RANBP17: variants seen among roughly 807,000 people sequenced by gnomAD.
RANBP17 encodes RAN binding protein 17.
RANBP17 carries 158 observed loss-of-function variants against 141.2 expected under a neutral mutation model. The ratio of observed to expected loss-of-function variants is 1.12; its 90% CI spans 0.98 to 1.28. RANBP17 has a LOEUF of 1.28. Among genes scored for constraint, RANBP17 ranks in the 50% most tolerant of loss-of-function variants. The probability of loss-of-function intolerance (pLI) is 0.00; values close to 1 mark genes in which losing one functional copy is unlikely to be tolerated. For synonymous variants in RANBP17, 430 were observed against 450.0 expected (o/e 0.96, Z 0.56); for missense variants, 1,438 against 1,290.7 (o/e 1.11, Z -1.75).
At chr5:171,190,362 C>T (rs916646401) in intron 18 of RANBP17, among the ~76,000 whole-genome samples, 1 of 152,128 alleles carries the variant, frequency 6.6e-6, no homozygotes, top group African/African-American at 2.4e-5. Flanking sequence ...ACCATTTTAT[C>T]GGATTGCTTT....
intron 25 of RANBP17, among the ~76,000 whole-genome samples, chr5:171,277,411 A>G (rs932399832): frequency 6.6e-6 from 1 of 151,670 alleles, no homozygotes; most frequent in Non-Finnish European, 1.5e-5. Context: ...ATACTATTCC[A>G]AAGAACCTTC....
intron 5 of RANBP17, chr5:170,897,308 G>A (rs779671983): frequency 1.6e-4 from 99 of 611,592 alleles, no homozygotes; most frequent in Admixed American, 3.4e-4. Flanking sequence ...AATACATTCC[G>A]TGGGAGGAGA....
chr5:170,877,661 C>T (rs550836045), intron 1 of RANBP17, among the ~76,000 whole-genome samples: 1 of 152,304 alleles, frequency 6.6e-6, no homozygotes, highest in African/African-American at 2.4e-5. Flanking sequence ...CTGGTATCTC[C>T]TTGCTGTGTT....
chr5:170,914,369 C>G, intron 8 of RANBP17, 129 bp downstream of exon 8: 1 of 650,308 alleles, frequency 1.5e-6, no homozygotes, highest in Non-Finnish European at 2.7e-6. Context: ...CTTATATTTT[C>G]TGGGATGTAT....
Position 171,171,377 on chromosome 5 carries a change from G to A in RANBP17, c.1865+91G>A, listed in dbSNP as rs932542175. Reference sequence around the variant, plus strand: ...GGTATTCTCCTTGTTTATAATTTTTGCAATTTTTTAAAAAAATAAAAAGAC... The same window carrying A: ...GGTATTCTCCTTGTTTATAATTTTTACAATTTTTTAAAAAAATAAAAAGAC... On this transcript the variant is annotated intron_variant, in intron 16 of 27. Transcript: ENST00000523189. 2.4e-5 allele frequency: 17 copies of A among 714,148 alleles called. 1 individual carries two copies. Among genetic ancestry groups the A allele is most frequent in the South Asian group, 2.6e-5 (1 of 38,346 alleles). The allele number at this position is 714,148 out of a possible 1,614,324, so 44.2% of individuals were successfully genotyped here.
chr5:171,139,565 C>A (rs1292623829), intron 14 of RANBP17, among the ~76,000 whole-genome samples: 1 of 152,100 alleles, frequency 6.6e-6, no homozygotes, highest in African/African-American at 2.4e-5. Flanking sequence ...ACCTAGGAAT[C>A]ATTTTTATTT....
At position 171,063,339 on chromosome 5, in the gene RANBP17, G is replaced by T. The variant is rs529729043; in HGVS notation, c.1710+94962G>T. On this transcript the variant is annotated intron_variant, in intron 14 of 27. Coordinates refer to ENST00000523189, the MANE Select transcript of RANBP17 (RefSeq NM_022897.5). ...ATGGTAATGTACAGATGGGTTTTTG[G>T]TGTGGATGTCCTTTCTGTTTGTTAG... is the stretch of plus-strand genomic sequence containing the variant. 2.0e-5 allele frequency among the ~76,000 whole-genome samples: 3 copies of T among 152,256 alleles called. No homozygotes were observed. The South Asian group carries it at 6.2e-4, about 32-fold the overall frequency.
chr5:171,271,075 C>CCTTTTTTTTTTTTTTTTTTTTTTTTT (rs1767076411), intron 25 of RANBP17: 1 of 27,540 alleles, frequency 3.6e-5, no homozygotes, highest in Non-Finnish European at 6.8e-5. Context: ...TATGTTATTT[C>CCTTTTTTTTTTTTTTTTTTTTTTTTT]TTTTTTTTTT....
intron 22 of RANBP17, among the ~76,000 whole-genome samples, chr5:171,222,774 G>A (rs1763649862): frequency 6.6e-6 from 1 of 152,036 alleles, no homozygotes; most frequent in Non-Finnish European, 1.5e-5. Context: ...GTGGTTATAG[G>A]CACGCCACCA....
At chr5:171,101,348 G>A (rs140328024) in intron 14 of RANBP17, among the ~76,000 whole-genome samples, 1 of 152,266 alleles carries the variant, frequency 6.6e-6, no homozygotes, top group Admixed American at 6.5e-5. Context: ...TTATTATTAT[G>A]TGATGCACTT....
intron 14 of RANBP17, among the ~76,000 whole-genome samples, chr5:170,995,278 C>A (rs1296722391): frequency 1.3e-5 from 2 of 151,950 alleles, no homozygotes; most frequent in African/African-American, 2.4e-5. Flanking sequence ...ACCATGTTGT[C>A]TTTTACAAGG....
chr5:171,187,850 G>A (rs1761375592), intron 18 of RANBP17, among the ~76,000 whole-genome samples: 1 of 152,096 alleles, frequency 6.6e-6, no homozygotes, highest in African/African-American at 2.4e-5. Flanking sequence ...TTCAGTCAGT[G>A]GCAATATCAT....
intron 14 of RANBP17, among the ~76,000 whole-genome samples, chr5:171,034,905 C>T (rs900844732): frequency 6.6e-6 from 1 of 152,074 alleles, no homozygotes; most frequent in Non-Finnish European, 1.5e-5. Context: ...CTCCTGGCAG[C>T]TTCAACCTCC....
At chr5:171,169,148 A>G (rs1759923852) in intron 14 of RANBP17, among the ~76,000 whole-genome samples, 1 of 152,120 alleles carries the variant, frequency 6.6e-6, no homozygotes, top group African/African-American at 2.4e-5. Flanking sequence ...TACCTTCATG[A>G]CCTATGGTGG....
At chr5:171,000,959 A>G (rs189773859) in intron 14 of RANBP17, among the ~76,000 whole-genome samples, 1 of 152,166 alleles carries the variant, frequency 6.6e-6, no homozygotes. Context: ...GTGGATCTTC[A>G]GTTGCTTCAG....
chr5:171,061,567 G>C (rs1373930373), intron 14 of RANBP17, among the ~76,000 whole-genome samples: 1 of 152,150 alleles, frequency 6.6e-6, no homozygotes, highest in Non-Finnish European at 1.5e-5. Flanking sequence ...TTGCTGAGGA[G>C]AGCTTTACTT....
At chr5:171,196,892 G>A (rs1762010568) in intron 18 of RANBP17, among the ~76,000 whole-genome samples, 1 of 152,018 alleles carries the variant, frequency 6.6e-6, no homozygotes, top group African/African-American at 2.4e-5. Context: ...TGGGCCCAGG[G>A]GATCCTCCTA....
At chr5:171,095,898 T>G (rs1786651660) in intron 14 of RANBP17, among the ~76,000 whole-genome samples, 1 of 152,148 alleles carries the variant, frequency 6.6e-6, no homozygotes, top group Non-Finnish European at 1.5e-5. Context: ...TTGTATGTAT[T>G]TGTACTATGT....
chr5:171,061,229 T>C (rs1289111459), intron 14 of RANBP17, among the ~76,000 whole-genome samples: 68 of 150,340 alleles, frequency 4.5e-4, no homozygotes, highest in African/African-American at 1.5e-3. Flanking sequence ...GCTCTTGCTT[T>C]TCTAGTTCTT....
Sources: gnomAD v4.1 joint callset for allele counts (sites outside exome capture counted in the v4.1 genomes callset) on GRCh38, gnomAD v4.1.1 for gene constraint, MANE v1.5 for transcripts, NCBI Gene and HGNC (gene_info 2026-07-23, HGNC 2026-07-21) for gene names.